The following TAMM41 variants were observed in gnomAD, a reference collection of about 807,000 sequenced individuals.
TAMM41 encodes TAM41 mitochondrial translocator assembly and maintenance homolog.
In TAMM41, 36 loss-of-function variants were observed where a neutral mutation model predicts 44.1. The ratio of observed to expected loss-of-function variants is 0.82; its 90% CI spans 0.63 to 1.08. The LOEUF (loss-of-function observed/expected upper bound fraction) is 1.08. Ranked by LOEUF, TAMM41 falls within the 50% of genes least tolerant of loss-of-function variation. TAMM41 has a pLI of 0.00. For synonymous variants in TAMM41, 164 were observed against 153.1 expected (o/e 1.07, Z -0.53); for missense variants, 417 against 404.3 (o/e 1.03, Z -0.27).
the TAMM41 span, among the ~76,000 whole-genome samples, chr3:11,771,862 C>T: frequency 3.3e-5 from 5 of 152,222 alleles, no homozygotes; most frequent in East Asian, 1.9e-4. Context: ...GGATTACAGG[C>T]GTGAGCCACC....
At chr3:11,824,421 C>T (rs981995008) in intron 4 of TAMM41, among the ~76,000 whole-genome samples, 2 of 136,474 alleles carry the variant, frequency 1.5e-5, no homozygotes, top group African/African-American at 5.7e-5. Flanking sequence ...AGTGCAGTGG[C>T]ACCATCTCAG....
rs1256479309 is a variant in TAMM41 at position 11,833,082 on chromosome 3, T to C, written c.412-3218A>G. 4.7e-6 allele frequency: 6 copies of C among 1,264,528 alleles called. No individual in the cohort carries two copies. In the East Asian group the frequency reaches 2.9e-4, roughly 62 times the overall value. The allele number at this position is 1,264,528 out of a possible 1,614,324, so 78.3% of individuals were successfully genotyped here. A position where few individuals can be genotyped will look rare whatever the true frequency, so the allele number is the denominator to read the frequency against. ...CAATGAAAGGTGAACTAGGAACTTG[T>C]CTCAGCAGCACTGTTATTTGTTGTT... On this transcript the variant is annotated intron_variant, in intron 3 of 7. Transcript: ENST00000455809.
the TAMM41 span, among the ~76,000 whole-genome samples, chr3:11,748,839 G>A: frequency 6.6e-6 from 1 of 152,050 alleles, no homozygotes; most frequent in African/African-American, 2.4e-5. Context: ...ATGAGAGCCT[G>A]GAGGTCCCAG....
At chr3:11,744,953 T>C in the TAMM41 span, among the ~76,000 whole-genome samples, 1 of 151,258 alleles carries the variant, frequency 6.6e-6, no homozygotes, top group East Asian at 2.0e-4. Flanking sequence ...AACCTCCACC[T>C]CCCAGGTTCA....
At chr3:11,820,081 A>AT (rs1308546054) in intron 4 of TAMM41, among the ~76,000 whole-genome samples, 1 of 152,152 alleles carries the variant, frequency 6.6e-6, no homozygotes, top group Non-Finnish European at 1.5e-5. Flanking sequence ...ACTTTCTAGC[A>AT]TTTTAAAACA....
intron 7 of TAMM41, among the ~76,000 whole-genome samples, chr3:11,792,237 T>C (rs908126418): frequency 6.6e-6 from 1 of 152,088 alleles, no homozygotes; most frequent in African/African-American, 2.4e-5. Context: ...CTCCCTTTCA[T>C]GGTTCTGCCA....
chr3:11,832,637 T>A (rs2079025745), intron 3 of TAMM41, among the ~76,000 whole-genome samples: 1 of 152,106 alleles, frequency 6.6e-6, no homozygotes, highest in Middle Eastern at 3.2e-3. Flanking sequence ...GTTAAAAGAT[T>A]TCTCCAAGAG....
At chr3:11,788,458 A>G (rs1422911620), downstream of TAMM41, among the ~76,000 whole-genome samples, 2 of 152,192 alleles carry the variant, frequency 1.3e-5, no homozygotes, top group Middle Eastern at 3.4e-3. Flanking sequence ...GCTAATTTGA[A>G]AAAAACTTTT....
At chr3:11,734,761 C>T in the TAMM41 span, among the ~76,000 whole-genome samples, 1 of 151,660 alleles carries the variant, frequency 6.6e-6, no homozygotes, top group African/African-American at 2.4e-5. Flanking sequence ...ATGGACCGGG[C>T]ACGGTGGCTC....
chr3:11,733,782 A>G, the TAMM41 span, among the ~76,000 whole-genome samples: 1 of 151,982 alleles, frequency 6.6e-6, no homozygotes, highest in African/African-American at 2.4e-5. Flanking sequence ...GGCGTGAGCC[A>G]CCACGCCCGG....
rs778868131 is a variant in TAMM41 at position 11,809,476 on chromosome 3, C to CAAA, written c.874+40_874+41insTTT. 34 of 1,608,566 alleles carry CAAA rather than the reference C, an allele frequency of 2.1e-5. No individual in the cohort carries two copies. The African/African-American group carries it at 4.1e-4, about 20-fold the overall frequency. ...AATCACAAACAAAGTCTGCTTTTCC[C>CAAA]CATGGCTGGCATTTCCTCAACATCA... On this transcript the variant is annotated intron_variant, in intron 6 of 7. Coordinates refer to ENST00000455809, the MANE Select transcript of TAMM41 (RefSeq NM_001284401.2).
chr3:11,821,583 C>T (rs760177325), intron 4 of TAMM41, among the ~76,000 whole-genome samples: 2 of 152,188 alleles, frequency 1.3e-5, no homozygotes, highest in Non-Finnish European at 2.9e-5. Flanking sequence ...AACAGGGTTC[C>T]CAAGGGTTGG....
intron 7 of TAMM41, among the ~76,000 whole-genome samples, chr3:11,791,492 C>G (rs1257933896): frequency 1.3e-5 from 2 of 152,182 alleles, no homozygotes; most frequent in Non-Finnish European, 2.9e-5. Flanking sequence ...TGGGATCATT[C>G]AGTTTGTGTT....
chr3:11,749,156 G>C, the TAMM41 span, among the ~76,000 whole-genome samples: 5 of 151,944 alleles, frequency 3.3e-5, no homozygotes, highest in African/African-American at 1.2e-4. Flanking sequence ...CAAGTGATCT[G>C]CCCACCTTGG....
intron 4 of TAMM41, among the ~76,000 whole-genome samples, chr3:11,819,055 AAGAGAGTT>A (rs778047879): frequency 3.9e-5 from 6 of 152,154 alleles, no homozygotes; most frequent in Non-Finnish European, 8.8e-5. Flanking sequence ...TTTGAAGGGA[AAGAGAGTT>A]AGATAGTTAA....
the TAMM41 span, among the ~76,000 whole-genome samples, chr3:11,729,721 G>A: frequency 1.3e-5 from 2 of 150,804 alleles, no homozygotes; most frequent in African/African-American, 2.4e-5. Context: ...CACCACACCC[G>A]GCTAATTTTT....
the TAMM41 span, among the ~76,000 whole-genome samples, chr3:11,751,633 G>A: frequency 4.6e-5 from 7 of 152,158 alleles, no homozygotes; most frequent in East Asian, 3.8e-4. Context: ...GGCCACCAGC[G>A]TATTTCCTCC....
At chr3:11,759,785 C>T in the TAMM41 span, among the ~76,000 whole-genome samples, 1 of 151,998 alleles carries the variant, frequency 6.6e-6, no homozygotes, top group Middle Eastern at 3.2e-3. Flanking sequence ...ACTAGCCTGG[C>T]CAACATGGTG....
chr3:11,775,275 A>G, the TAMM41 span, among the ~76,000 whole-genome samples: 3 of 152,246 alleles, frequency 2.0e-5, no homozygotes, highest in African/African-American at 2.4e-5. Context: ...TACTTTCCTT[A>G]TAACTATCAC....
Sources: gnomAD v4.1 joint callset for allele counts (sites outside exome capture counted in the v4.1 genomes callset) on GRCh38, gnomAD v4.1.1 for gene constraint, MANE v1.5 for transcripts, NCBI Gene and HGNC (gene_info 2026-07-23, HGNC 2026-07-21) for gene names.